NEGR1: variants seen among roughly 807,000 people sequenced by gnomAD.
NEGR1 encodes the protein IgLON family member 4.
A neutral mutation model predicts 40.9 loss-of-function variants in NEGR1; 10 were observed. The ratio of observed to expected loss-of-function variants is 0.24; its 90% CI spans 0.15 to 0.42. NEGR1 has a LOEUF of 0.42. NEGR1 is among the 10% of genes least tolerant of loss of function. NEGR1 has a pLI of 1.00. For synonymous variants in NEGR1, 185 were observed against 166.8 expected (o/e 1.11, Z -0.84); for missense variants, 352 against 438.9 (o/e 0.80, Z 1.77).
At chr1:72,166,821 T>G (rs935050662) in intron 1 of NEGR1, among the ~76,000 whole-genome samples, 4 of 152,062 alleles carry the variant, frequency 2.6e-5, no homozygotes, top group Non-Finnish European at 5.9e-5. Context: ...TATACATATA[T>G]CATAATATCA....
At chr1:71,709,737 A>C (rs1319471104) in intron 3 of NEGR1, among the ~76,000 whole-genome samples, 1 of 152,224 alleles carries the variant, frequency 6.6e-6, no homozygotes, top group Admixed American at 6.5e-5. Context: ...TAAAGACTTA[A>C]ATTTAAGCCC....
intron 2 of NEGR1, among the ~76,000 whole-genome samples, chr1:71,823,820 G>A (rs758533770): frequency 4.6e-4 from 70 of 152,128 alleles, no homozygotes; most frequent in African/African-American, 1.4e-3. Flanking sequence ...GCAGATTTAC[G>A]GCCAACGCCG....
intron 6 of NEGR1, chr1:71,476,998 T>C (rs1646825664): frequency 6.6e-6 from 1 of 152,132 alleles, no homozygotes; most frequent in Non-Finnish European, 1.5e-5. Context: ...CATGCAATTA[T>C]AAGTTTATAT....
At chr1:71,792,654 GT>G (rs1408639260) in intron 2 of NEGR1, among the ~76,000 whole-genome samples, 2 of 152,144 alleles carry the variant, frequency 1.3e-5, no homozygotes, top group Admixed American at 1.3e-4. Context: ...TGATGAGAAG[GT>G]TTTTTATGTA....
chr1:71,654,777 A>T (rs1651826219), intron 4 of NEGR1, among the ~76,000 whole-genome samples: 1 of 152,186 alleles, frequency 6.6e-6, no homozygotes, highest in Non-Finnish European at 1.5e-5. Context: ...TCTACAAATA[A>T]ATAAAGTTTT....
At chr1:71,887,619 T>C (rs1458098343) in intron 2 of NEGR1, among the ~76,000 whole-genome samples, 1 of 152,196 alleles carries the variant, frequency 6.6e-6, no homozygotes, top group South Asian at 2.1e-4. Flanking sequence ...ATCCATCATC[T>C]CAAACATTCA....
chr1:71,513,966 C>CG (rs1347010534), intron 6 of NEGR1, among the ~76,000 whole-genome samples: 1 of 135,396 alleles, frequency 7.4e-6, no homozygotes, highest in Non-Finnish European at 1.6e-5. Flanking sequence ...GGGTGACGGA[C>CG]GCACCTGGAA....
intron 6 of NEGR1, among the ~76,000 whole-genome samples, chr1:71,444,233 T>G (rs1377556633): frequency 1.3e-5 from 2 of 152,204 alleles, no homozygotes; most frequent in Non-Finnish European, 2.9e-5. Flanking sequence ...CCAGAAAATA[T>G]TTTTAAAAAA....
At chr1:71,576,230 G>A (rs755893295) in intron 6 of NEGR1, among the ~76,000 whole-genome samples, 46 of 152,144 alleles carry the variant, frequency 3.0e-4, no homozygotes, top group Non-Finnish European at 4.4e-5. Context: ...GCTGATCATT[G>A]GTGTATAAAT....
intron 2 of NEGR1, among the ~76,000 whole-genome samples, chr1:71,854,779 G>C (rs1319773753): frequency 1.3e-5 from 2 of 152,034 alleles, no homozygotes; most frequent in African/African-American, 4.8e-5. Flanking sequence ...GATCTTGTGA[G>C]AACTCACTCA....
At chr1:71,817,892 G>C (rs1046929919) in intron 2 of NEGR1, among the ~76,000 whole-genome samples, 6 of 152,002 alleles carry the variant, frequency 3.9e-5, no homozygotes, top group Non-Finnish European at 7.4e-5. Context: ...TTGAAATGCA[G>C]CTAGTTTAAC....
At chr1:71,806,005 A>G (rs566621827) in intron 2 of NEGR1, among the ~76,000 whole-genome samples, 22 of 152,346 alleles carry the variant, frequency 1.4e-4, no homozygotes, top group Non-Finnish European at 3.1e-4. Context: ...CAAATTTACC[A>G]AGAAATTTCC....
intron 6 of NEGR1, among the ~76,000 whole-genome samples, chr1:71,561,645 A>T (rs1008240107): frequency 2.0e-5 from 3 of 151,696 alleles, no homozygotes; most frequent in Non-Finnish European, 4.4e-5. Flanking sequence ...TTTTTATATC[A>T]TTGTTTCTCC....
intron 6 of NEGR1, among the ~76,000 whole-genome samples, chr1:71,513,469 G>GGAAT (rs1647091555): frequency 1.3e-5 from 2 of 152,124 alleles, no homozygotes; most frequent in African/African-American, 4.8e-5. Context: ...AACAGGCTAA[G>GGAAT]GAATACATGC....
intron 3 of NEGR1, among the ~76,000 whole-genome samples, chr1:71,755,812 T>C (rs1019073782): frequency 1.3e-5 from 2 of 152,314 alleles, no homozygotes; most frequent in South Asian, 2.1e-4. Context: ...GTGGTAGCTA[T>C]AATTTTTCCT....
At chr1:71,527,506 G>T (rs1000374966) in intron 6 of NEGR1, among the ~76,000 whole-genome samples, 1 of 151,238 alleles carries the variant, frequency 6.6e-6, no homozygotes, top group African/African-American at 2.4e-5. Flanking sequence ...ATTTTGTTTA[G>T]TAAATAAATA....
intron 1 of NEGR1, among the ~76,000 whole-genome samples, chr1:72,037,120 T>C (rs1202101640): frequency 6.6e-6 from 1 of 152,152 alleles, no homozygotes; most frequent in East Asian, 1.9e-4. Flanking sequence ...TAAATTTGTA[T>C]CTGGATTTTC....
chr1:71,759,816 C>G (rs1202981970), intron 3 of NEGR1, among the ~76,000 whole-genome samples: 1 of 151,142 alleles, frequency 6.6e-6, no homozygotes, highest in Admixed American at 6.6e-5. Context: ...CGGCATGTCA[C>G]CCTGACTGGT....
intron 2 of NEGR1, among the ~76,000 whole-genome samples, chr1:71,934,498 G>A (rs374038318): frequency 6.6e-6 from 1 of 152,062 alleles, no homozygotes; most frequent in Non-Finnish European, 1.5e-5. Flanking sequence ...ATTGTGACTT[G>A]AATCAAAGTA....
Sources: allele counts gnomAD v4.1 joint callset (sites outside exome capture counted in the v4.1 genomes callset), GRCh38; gene constraint gnomAD v4.1.1; transcripts MANE v1.5; gene names NCBI Gene and HGNC (gene_info 2026-07-23, HGNC 2026-07-21).